Variants in SCD5 observed in about 807,000 individuals in gnomAD.
SCD5 encodes stearoyl-CoA desaturase 5.
A neutral mutation model predicts 30.4 loss-of-function variants in SCD5; 20 were observed. The ratio of observed to expected loss-of-function variants is 0.66; its 90% confidence interval spans 0.46 to 0.96. The LOEUF (loss-of-function observed/expected upper bound fraction) is 0.96, where lower values mean the gene tolerates loss of function less well. Among genes scored for constraint, SCD5 ranks in the 40% least tolerant of loss-of-function variants. SCD5 has a pLI of 0.00. For synonymous variants in SCD5, 173 were observed against 176.4 expected, an observed-to-expected ratio of 0.98 and a Z score of 0.16; for missense variants, 381 against 443.3, an observed-to-expected ratio of 0.86 and a Z score of 1.26.
At chr4:82,689,803 A>G (rs915556467) in intron 2 of SCD5, among the ~76,000 whole-genome samples, 1 of 152,202 alleles carries the variant, frequency 6.6e-6, no homozygotes, top group Non-Finnish European at 1.5e-5. Flanking sequence ...CAAATGATCA[A>G]AGTTCATACC....
chr4:82,739,518 C>T (rs1720828675), intron 1 of SCD5, among the ~76,000 whole-genome samples: 1 of 152,258 alleles, frequency 6.6e-6, no homozygotes, highest in Non-Finnish European at 1.5e-5. Flanking sequence ...GAGGTCGTGG[C>T]TGGTAGAGCC....
At chr4:82,653,024 G>A (rs937099965) in intron 3 of SCD5, among the ~76,000 whole-genome samples, 3 of 152,040 alleles carry the variant, frequency 2.0e-5, no homozygotes, top group South Asian at 2.1e-4. Context: ...ATGGTGGTAC[G>A]TGCCTGTAGT....
At chr4:82,722,381 T>A (rs186963429) in intron 1 of SCD5, among the ~76,000 whole-genome samples, 71 of 152,316 alleles carry the variant, frequency 4.7e-4, no homozygotes, top group Non-Finnish European at 1.2e-4. Context: ...ACTACTATTT[T>A]TACTCAGTAA....
At chr4:82,700,595 G>C (rs1719807281) in intron 2 of SCD5, among the ~76,000 whole-genome samples, 1 of 151,860 alleles carries the variant, frequency 6.6e-6, no homozygotes, top group African/African-American at 2.4e-5. Context: ...TCTGTACTCA[G>C]CAAAATTACT....
intron 2 of SCD5, among the ~76,000 whole-genome samples, chr4:82,700,786 CTAAAAAAAAAAAAAA>C: frequency 1.9e-5 from 1 of 51,700 alleles, no homozygotes; most frequent in Non-Finnish European, 3.3e-5. Context: ...GACCCTGTCT[CTAAAAAAAAAAAAAA>C]AAAAAAAAAA....
chr4:82,695,040 G>A (rs1465821605), intron 2 of SCD5, among the ~76,000 whole-genome samples: 2 of 152,178 alleles, frequency 1.3e-5, no homozygotes, highest in Non-Finnish European at 2.9e-5. Context: ...CTTGCAGCAG[G>A]CGTCTGAAGT....
intron 3 of SCD5, among the ~76,000 whole-genome samples, chr4:82,659,334 G>C (rs1727935833): frequency 6.6e-6 from 1 of 152,074 alleles, no homozygotes; most frequent in African/African-American, 2.4e-5. Flanking sequence ...ATCTCCTTCA[G>C]TTCTGCTCTG....
chr4:82,677,558 A>T (rs72661243), intron 3 of SCD5, among the ~76,000 whole-genome samples: 3,652 of 152,308 alleles, frequency 0.024, 72 homozygotes, highest in South Asian at 0.098. Context: ...CTTCACGAAC[A>T]TGAAAATATC....
At chr4:82,642,494 C>T (rs1223439797) in intron 3 of SCD5, among the ~76,000 whole-genome samples, 2 of 152,246 alleles carry the variant, frequency 1.3e-5, no homozygotes, top group African/African-American at 4.8e-5. Context: ...AACTGAACCA[C>T]ATACTGTCCC....
intron 3 of SCD5, among the ~76,000 whole-genome samples, chr4:82,656,372 C>T (rs1281777372): frequency 4.6e-5 from 7 of 152,050 alleles, no homozygotes; most frequent in East Asian, 1.9e-4. Context: ...TCTGTTCCTG[C>T]GTTAGTTTGC....
intron 1 of SCD5, among the ~76,000 whole-genome samples, chr4:82,773,556 A>T (rs1721674980): frequency 6.6e-6 from 1 of 152,238 alleles, no homozygotes. Flanking sequence ...TCCAAGGCTT[A>T]GAATCTCCAG....
At chr4:82,699,851 G>A (rs1003663293) in intron 2 of SCD5, among the ~76,000 whole-genome samples, 4 of 151,650 alleles carry the variant, frequency 2.6e-5, no homozygotes, top group South Asian at 2.1e-4. Context: ...TAGTAGACAC[G>A]GGGTTTCACC....
chr4:82,636,781 G>A lies in SCD5; in HGVS notation c.612C>T (p.Pro204=). 6.2e-7 allele frequency: 1 copy of A among 1,614,154 alleles called. No individual in the cohort carries two copies. The highest frequency in any genetic ancestry group is 8.5e-7 in the Non-Finnish European group (1 of 1,180,012). Reference sequence around the variant, plus strand: ...CCCAGATGTACCAGGGCACCAGCGTGGGGACCACAAAGCACATGAGCACCA... The same window carrying A: ...CCCAGATGTACCAGGGCACCAGCGTAGGGACCACAAAGCACATGAGCACCA... ...ISVVLMCFVV[P]TLVPWYIWGE... Residue 204 remains proline (P), a synonymous_variant, in exon 4 of 5, where the codon CCC becomes CCT. Transcript: ENST00000319540.
chr4:82,653,695 T>TAGATAGATAGAC (rs1358330114), intron 3 of SCD5, among the ~76,000 whole-genome samples: 4 of 142,696 alleles, frequency 2.8e-5, no homozygotes, highest in African/African-American at 1.0e-4. Flanking sequence ...GATAGATAGA[T>TAGATAGATAGAC]AGATAGATAG....
intron 2 of SCD5, among the ~76,000 whole-genome samples, chr4:82,702,187 C>T (rs1269152488): frequency 8.3e-6 from 1 of 120,066 alleles, no homozygotes; most frequent in Non-Finnish European, 1.6e-5. Flanking sequence ...CTCTGTCGCC[C>T]AGGCTGGAGT....
intron 3 of SCD5, among the ~76,000 whole-genome samples, chr4:82,663,670 G>A (rs1207236097): frequency 6.6e-6 from 1 of 152,192 alleles, no homozygotes; most frequent in African/African-American, 2.4e-5. Context: ...GCATAAATGT[G>A]TTTAAGCTGC....
At chr4:82,743,525 T>C (rs1720921213) in intron 1 of SCD5, among the ~76,000 whole-genome samples, 1 of 151,892 alleles carries the variant, frequency 6.6e-6, no homozygotes, top group Non-Finnish European at 1.5e-5. Context: ...AAAAAAGTTA[T>C]ATATATATAT....
intron 1 of SCD5, among the ~76,000 whole-genome samples, chr4:82,759,393 C>G (rs1403630739): frequency 2.0e-5 from 3 of 152,208 alleles, no homozygotes; most frequent in Non-Finnish European, 4.4e-5. Context: ...TCACAAGCGG[C>G]CCTCCGTAAC....
At chr4:82,705,519 G>A in intron 1 of SCD5, 106 bp from the exon 2 acceptor site, 2 of 1,452,918 alleles carry the variant, frequency 1.4e-6, no homozygotes, top group Non-Finnish European at 1.9e-6. Context: ...TGGTGTCAGG[G>A]GGGAAAGCTG....
Sources: gnomAD v4.1 joint callset for allele counts (sites outside exome capture counted in the v4.1 genomes callset) on GRCh38, gnomAD v4.1.1 for gene constraint, MANE v1.5 for transcripts, NCBI Gene and HGNC (gene_info 2026-07-23, HGNC 2026-07-21) for gene names.